Variants in SLC5A11 observed in about 807,000 individuals in gnomAD.
SLC5A11 encodes the protein sodium/myo-inositol cotransporter 2.
SLC5A11 carries 48 observed loss-of-function variants against 69.8 expected under a neutral mutation model. The observed-to-expected ratio is 0.69, with a 90% CI of 0.55 to 0.87. The LOEUF (loss-of-function observed/expected upper bound fraction) is 0.87. Among genes scored for constraint, SLC5A11 ranks in the 40% least tolerant of loss-of-function variants. The probability of loss-of-function intolerance (pLI) is 0.00; values close to 1 mark genes in which losing one functional copy is unlikely to be tolerated. For synonymous variants in SLC5A11, 319 were observed against 342.4 expected, an observed-to-expected ratio of 0.93 and a Z score of 0.75; for missense variants, 784 against 866.1, an observed-to-expected ratio of 0.91 and a Z score of 1.19.
chr16:24,896,412 T>C (rs1212665523), intron 9 of SLC5A11, among the ~76,000 whole-genome samples: 1 of 151,854 alleles, frequency 6.6e-6, no homozygotes, highest in Non-Finnish European at 1.5e-5. Context: ...GGAGGATCAT[T>C]TGAGCCCAGG....
intron 7 of SLC5A11, 114 bp from the exon 9 acceptor site, chr16:24,883,933 ATCAG>A (rs1350510016): frequency 8.3e-6 from 7 of 843,744 alleles, no homozygotes; most frequent in Non-Finnish European, 1.3e-5. Context: ...CATCTTTGCA[ATCAG>A]TCAGCACTAA....
chr16:24,884,146 CG>C lies in SLC5A11; in HGVS notation c.664+18del, dbSNP rs2048238595. ...GATGGGCTACAGTAAGTGGGGTCCC[CG>C]GGTCACTGGGGCGGACAACAGCACC... On this transcript the variant is annotated intron_variant, in intron 8 of 15. Transcript: ENST00000347898. The C allele has an allele frequency of 1.2e-6, 2 of 1,613,262 alleles. No individual in the cohort carries two copies.
intron 1 of SLC5A11, among the ~76,000 whole-genome samples, chr16:24,850,190 T>C (rs1051240545): frequency 2.6e-5 from 4 of 152,124 alleles, no homozygotes; most frequent in Non-Finnish European, 5.9e-5. Context: ...CCTCAAGCGA[T>C]CTTCATGCCT....
At chr16:24,849,824 C>T (rs186120341) in intron 1 of SLC5A11, among the ~76,000 whole-genome samples, 2 of 151,694 alleles carry the variant, frequency 1.3e-5, no homozygotes, top group African/African-American at 4.8e-5. Context: ...GCTGCCCTGC[C>T]CTGCCATGCC....
intron 4 of SLC5A11, among the ~76,000 whole-genome samples, chr16:24,870,781 CAAAAAAA>C (rs57742222): frequency 1.1e-4 from 7 of 66,548 alleles, no homozygotes; most frequent in African/African-American, 4.2e-4. Context: ...CTCTGTCTCA[CAAAAAAA>C]AAAAAAAAAA....
rs1481909779 is a variant in SLC5A11, at chr16:24,900,719, C to T, written c.1006+2610C>T. Among the ~76,000 whole-genome samples, 6 of 151,964 alleles carry T rather than the reference C, an allele frequency of 3.9e-5. No individual in the cohort carries two copies. The South Asian group carries it at 6.2e-4, about 16-fold the overall frequency. ...CTTGAGGCCAAGAGTTCAAGACCATCGTGGGTAACGATACCAGACCCGCTC... is the reference window on the plus strand; with the variant it reads ...CTTGAGGCCAAGAGTTCAAGACCATTGTGGGTAACGATACCAGACCCGCTC... On this transcript the variant is annotated intron_variant, in intron 10 of 15. Coordinates refer to ENST00000347898, the Ensembl canonical transcript of SLC5A11.
chr16:24,849,589 AAAAAAT>A (rs1270740574), intron 1 of SLC5A11, among the ~76,000 whole-genome samples: 655 of 63,588 alleles, frequency 0.01, 7 homozygotes, highest in Non-Finnish European at 0.012. Context: ...AAAAAAAAAA[AAAAAAT>A]ATATATATAT....
At chr16:24,885,746 G>A (rs1447080920) in intron 8 of SLC5A11, among the ~76,000 whole-genome samples, 1 of 149,934 alleles carries the variant, frequency 6.7e-6, no homozygotes, top group African/African-American at 2.5e-5. Flanking sequence ...AAAGATGGCA[G>A]AATATAGTGC....
intron 8 of SLC5A11, among the ~76,000 whole-genome samples, chr16:24,886,203 T>C (rs1299444804): frequency 6.6e-6 from 1 of 151,964 alleles, no homozygotes; most frequent in Admixed American, 6.6e-5. Context: ...CCCAGCTAAT[T>C]TTTGTATTTT....
At chr16:24,881,201 A>T (rs1409389709) in intron 7 of SLC5A11, among the ~76,000 whole-genome samples, 1 of 151,512 alleles carries the variant, frequency 6.6e-6, no homozygotes, top group African/African-American at 2.4e-5. Flanking sequence ...GCGAAACTCA[A>T]ATTAAAAAAA....
rs59768610 is a variant in SLC5A11, at chr16:24,851,969, TTCTC to T, written c.-25+5554_-25+5557del. 6.2e-3 allele frequency among the ~76,000 whole-genome samples: 876 copies of T among 140,162 alleles called. 9 individuals carry two copies. Among genetic ancestry groups the T allele is most frequent in the African/African-American group, 0.021 (751 of 36,456 alleles). 92.0% of individuals were successfully genotyped at this position (140,162 alleles called of 152,430 possible). On this transcript the variant is annotated intron_variant, in intron 1 of 15. Coordinates refer to ENST00000347898, the Ensembl canonical transcript of SLC5A11. ...ATTCAGAGCAGGGAACTTCCCTTGCTTCTCTCTCTCTCTCTCTCTCTCTCTCCCA... is the reference window on the plus strand; with the variant it reads ...ATTCAGAGCAGGGAACTTCCCTTGCTTCTCTCTCTCTCTCTCTCTCTCCCA...
intron 1 of SLC5A11, among the ~76,000 whole-genome samples, chr16:24,852,509 G>A (rs915297355): frequency 5.3e-5 from 8 of 152,134 alleles, no homozygotes; most frequent in African/African-American, 9.7e-5. Context: ...ACAAGCTGCC[G>A]TGAATCCTCC....
intron 9 of SLC5A11, among the ~76,000 whole-genome samples, chr16:24,897,084 C>G (rs750355004): frequency 6.6e-6 from 1 of 151,240 alleles, no homozygotes; most frequent in African/African-American, 2.4e-5. Flanking sequence ...TCCCAAGTAG[C>G]TGGGATTACA....
chr16:24,910,387 AC>A lies in SLC5A11; in HGVS notation c.1735del (p.Leu579SerfsTer32), dbSNP rs752518241. On this transcript the variant is annotated frameshift_variant, in exon 15 of 16. Transcript: ENST00000347898. LOFTEE classifies it high-confidence loss of function. ...ACCACCAGCAGCTCCCTTGTCTCTTACCCTCTCTCAGAACGGGATGCCAGAG... is the reference window on the plus strand; with the variant it reads ...ACCACCAGCAGCTCCCTTGTCTCTTACCTCTCTCAGAACGGGATGCCAGAG... 1 of 1,614,026 alleles carries A rather than the reference AC, an allele frequency of 6.2e-7. No individual in the cohort carries two copies. The highest frequency in any genetic ancestry group is 2.2e-5 in the East Asian group (1 of 44,874).
Position 24,905,640 on chromosome 16 carries a change from G to GCGCGCA in SLC5A11, c.1007-1016_1007-1015insGCGCAC, listed in dbSNP as rs1443035551. 9.2e-3 allele frequency among the ~76,000 whole-genome samples: 1,263 copies of GCGCGCA among 136,714 alleles called. 24 individuals are homozygous for GCGCGCA. Among genetic ancestry groups the GCGCGCA allele is most frequent in the African/African-American group, 0.034 (1,212 of 35,440 alleles). The allele number at this position is 136,714 out of a possible 152,430, so 89.7% of individuals were successfully genotyped here. On this transcript the variant is annotated intron_variant, in intron 10 of 15. Transcript: ENST00000347898. The stretch of plus-strand genomic sequence containing the variant: ...CCATCTCAAAAACACGCGCGCGCGC[G>GCGCGCA]CACACACACACACACACACACACAC...
At chr16:24,911,288 A>G (rs1344273200) in intron 15 of SLC5A11, 40 bp from the exon 17 acceptor site, 8 of 1,604,132 alleles carry the variant, frequency 5.0e-6, no homozygotes, top group African/African-American at 1.3e-5. Flanking sequence ...TGGGAGATAC[A>G]GACCACCTCT....
intron 1 of SLC5A11, 158 bp downstream of exon 2, chr16:24,846,596 G>A (rs1300871601): frequency 1.3e-5 from 2 of 152,540 alleles, no homozygotes. Context: ...GGACAATGGA[G>A]TGTGTTTGTG....
chr16:24,906,221 A>G (rs1490177183), intron 10 of SLC5A11, among the ~76,000 whole-genome samples: 1 of 151,904 alleles, frequency 6.6e-6, no homozygotes, highest in Non-Finnish European at 1.5e-5. Flanking sequence ...GGTGCCTGTA[A>G]TCCCAGCTTC....
intron 10 of SLC5A11, among the ~76,000 whole-genome samples, chr16:24,902,763 T>C (rs2049737151): frequency 6.6e-6 from 1 of 152,168 alleles, no homozygotes; most frequent in African/African-American, 2.4e-5. Flanking sequence ...GGTCTCAAAC[T>C]CTTGACCTCA....
Sources: gnomAD v4.1 joint callset for allele counts (sites outside exome capture counted in the v4.1 genomes callset) on GRCh38, gnomAD v4.1.1 for gene constraint, MANE v1.5 for transcripts, NCBI Gene and HGNC (gene_info 2026-07-23, HGNC 2026-07-21) for gene names.